FBXL20: variants seen among roughly 807,000 people sequenced by gnomAD.
FBXL20 encodes F-box and leucine rich repeat protein 20.
A neutral mutation model predicts 64.0 loss-of-function variants in FBXL20; 11 were observed. The observed-to-expected ratio is 0.17, with a 90% CI of 0.11 to 0.28. FBXL20 has a LOEUF of 0.28. Among genes scored for constraint, FBXL20 ranks in the 10% least tolerant of loss-of-function variants. The pLI is 1.00. For synonymous variants in FBXL20, 184 were observed against 189.0 expected (o/e 0.97, Z 0.22); for missense variants, 303 against 526.2 (o/e 0.58, Z 4.15).
chr17:39,282,604 G>T, intron 8 of FBXL20, 125 bp downstream of exon 8: 1 of 1,273,536 alleles, frequency 7.9e-7, no homozygotes, highest in Non-Finnish European at 1.1e-6. Context: ...GTAAGCATTT[G>T]TCTTTTGTCA....
At chr17:39,318,531 G>A (rs1265791641) in intron 2 of FBXL20, among the ~76,000 whole-genome samples, 8 of 152,054 alleles carry the variant, frequency 5.3e-5, no homozygotes, top group Middle Eastern at 6.3e-3. Context: ...ACCTGAGATC[G>A]AGAGTTCGAG....
Position 39,259,037 on chromosome 17 carries a change from TTAATA to T in FBXL20, c.*2418_*2422del, listed in dbSNP as rs2046721418. The T allele has an allele frequency of 1.3e-5, 2 of 152,192 alleles. No individual in the cohort carries two copies. Among genetic ancestry groups the T allele is most frequent in the Non-Finnish European group, 2.9e-5 (2 of 68,042 alleles). 9.4% of individuals were successfully genotyped at this position (152,192 alleles called of 1,614,324 possible). A position where few individuals can be genotyped will look rare whatever the true frequency, so the allele number is the denominator to read the frequency against. ...CAATAAAACAGGATTTAAAATAAAT[TTAATA>T]TGATAAATATTAATGGATAGTATAG... On this transcript the variant is annotated 3_prime_UTR_variant, in exon 15 of 15. Transcript: ENST00000264658.
At chr17:39,300,953 C>T in intron 4 of FBXL20, 48 bp downstream of exon 4, 1 of 1,527,426 alleles carries the variant, frequency 6.5e-7, no homozygotes, top group African/African-American at 1.4e-5. Context: ...CTGTTCCATG[C>T]TGTAATTACT....
chr17:39,307,382 G>T (rs1270763981), intron 2 of FBXL20, among the ~76,000 whole-genome samples: 1 of 152,194 alleles, frequency 6.6e-6, no homozygotes, highest in Non-Finnish European at 1.5e-5. Context: ...AGATCTAAAT[G>T]ATCAAAGGAA....
chr17:39,366,715 T>C (rs535343367), intron 1 of FBXL20, among the ~76,000 whole-genome samples: 1 of 152,292 alleles, frequency 6.6e-6, no homozygotes, highest in African/African-American at 2.4e-5. Flanking sequence ...TTGATGCATT[T>C]CTGACCTCGT....
At chr17:39,362,084 G>A (rs542723193) in intron 1 of FBXL20, among the ~76,000 whole-genome samples, 378 of 150,586 alleles carry the variant, frequency 2.5e-3, no homozygotes, top group Non-Finnish European at 4.5e-3. Context: ...TCAGGAGATC[G>A]AGACCATCCT....
At chr17:39,387,626 G>A (rs1199998643) in intron 1 of FBXL20, among the ~76,000 whole-genome samples, 1 of 149,192 alleles carries the variant, frequency 6.7e-6, no homozygotes, top group Non-Finnish European at 1.5e-5. Context: ...CTTCCAGGCT[G>A]GAGTGCAGAG....
chr17:39,301,549 G>A (rs1285591386), intron 3 of FBXL20, among the ~76,000 whole-genome samples: 1 of 152,082 alleles, frequency 6.6e-6, no homozygotes, highest in Non-Finnish European at 1.5e-5. Flanking sequence ...CCAACATGGT[G>A]AAACCCCGTC....
intron 1 of FBXL20, among the ~76,000 whole-genome samples, chr17:39,387,724 T>C (rs2048096423): frequency 6.6e-6 from 1 of 151,978 alleles, no homozygotes; most frequent in Non-Finnish European, 1.5e-5. Context: ...ACTACAGGTG[T>C]GCACCATCAT....
At chr17:39,271,944 C>T (rs575178435) in intron 10 of FBXL20, among the ~76,000 whole-genome samples, 1 of 152,180 alleles carries the variant, frequency 6.6e-6, no homozygotes, top group South Asian at 2.1e-4. Flanking sequence ...CAATTATCAA[C>T]TGAAAATCAA....
At chr17:39,294,594 T>C (rs1310431689) in intron 6 of FBXL20, among the ~76,000 whole-genome samples, 1 of 152,186 alleles carries the variant, frequency 6.6e-6, no homozygotes, top group Non-Finnish European at 1.5e-5. Context: ...AATTTGTATA[T>C]TTCAAGGCTA....
chr17:39,359,496 C>A (rs1013654895), intron 1 of FBXL20, among the ~76,000 whole-genome samples: 3 of 151,752 alleles, frequency 2.0e-5, no homozygotes, highest in African/African-American at 7.3e-5. Flanking sequence ...GGTAGCACAC[C>A]GGAGGCTGAA....
intron 2 of FBXL20, among the ~76,000 whole-genome samples, chr17:39,312,953 C>T (rs1188130597): frequency 3.5e-5 from 5 of 140,968 alleles, no homozygotes; most frequent in Non-Finnish European, 7.5e-5. Flanking sequence ...GAGGCGCATC[C>T]TGTTGCCCAG....
intron 9 of FBXL20, among the ~76,000 whole-genome samples, chr17:39,276,926 C>G (rs761533784): frequency 6.6e-6 from 1 of 151,934 alleles, no homozygotes; most frequent in South Asian, 2.1e-4. Context: ...CCCCAACTCC[C>G]GTAAACAAAA....
chr17:39,337,886 G>C (rs970032443), intron 2 of FBXL20, among the ~76,000 whole-genome samples: 1 of 150,750 alleles, frequency 6.6e-6, no homozygotes. Context: ...GGCCCCGCCC[G>C]GCCAGCCACC....
chr17:39,376,303 C>A (rs1048189724), intron 1 of FBXL20, among the ~76,000 whole-genome samples: 4 of 152,022 alleles, frequency 2.6e-5, no homozygotes, highest in Admixed American at 2.6e-4. Context: ...AAGTAGGTAC[C>A]CTGCATTTGT....
intron 1 of FBXL20, among the ~76,000 whole-genome samples, chr17:39,398,369 G>A (rs2048208023): frequency 6.6e-6 from 1 of 152,188 alleles, no homozygotes; most frequent in South Asian, 2.1e-4. Flanking sequence ...CATGCAGGAA[G>A]TATTCAATAA....
intron 1 of FBXL20, among the ~76,000 whole-genome samples, chr17:39,364,609 C>CA (rs1447679134): frequency 6.6e-6 from 1 of 151,760 alleles, no homozygotes; most frequent in African/African-American, 2.4e-5. Context: ...GACCCTGTCT[C>CA]AAAAAAGAAA....
intron 1 of FBXL20, among the ~76,000 whole-genome samples, chr17:39,388,419 A>G (rs1351523311): frequency 6.6e-6 from 1 of 151,838 alleles, no homozygotes; most frequent in African/African-American, 2.4e-5. Flanking sequence ...AGATCGCACT[A>G]CTATGGCTCC....
Sources: gnomAD v4.1 joint callset for allele counts (sites outside exome capture counted in the v4.1 genomes callset) on GRCh38, gnomAD v4.1.1 for gene constraint, MANE v1.5 for transcripts, NCBI Gene and HGNC (gene_info 2026-07-23, HGNC 2026-07-21) for gene names.